CLOCK: variants seen among roughly 807,000 people sequenced by gnomAD.
The protein encoded by CLOCK is clock circadian regulator, also known as circadian locomoter output cycles protein kaput.
Under a neutral mutation model 118.4 loss-of-function variants are expected in CLOCK, and 43 were observed. The observed-to-expected ratio is 0.36, with a 90% CI of 0.28 to 0.47. The LOEUF (loss-of-function observed/expected upper bound fraction) is 0.47. Among genes scored for constraint, CLOCK ranks in the 20% least tolerant of loss-of-function variants. The probability of loss-of-function intolerance (pLI) is 1.00; values close to 1 mark genes in which losing one functional copy is unlikely to be tolerated. For missense variants in CLOCK, 846 were observed against 999.9 expected (o/e 0.85, Z 2.08); for synonymous variants, 326 against 339.2 (o/e 0.96, Z 0.43).
chr4:55,450,314 A>G, intron 15 of CLOCK, 82 bp from the exon 16 acceptor site: 1 of 1,564,886 alleles, frequency 6.4e-7, no homozygotes. Flanking sequence ...ACAACAACAA[A>G]AAAATCAGTT....
intron 2 of CLOCK, among the ~76,000 whole-genome samples, chr4:55,500,554 T>G (rs1218738852): frequency 2.6e-5 from 4 of 152,108 alleles, no homozygotes; most frequent in Admixed American, 2.6e-4. Context: ...TCTCATTATG[T>G]TGCCCAGGCT....
intron 15 of CLOCK, among the ~76,000 whole-genome samples, chr4:55,451,438 T>C (rs1005327905): frequency 2.0e-5 from 3 of 152,158 alleles, no homozygotes; most frequent in Admixed American, 6.5e-5. Context: ...CCTCTTAATA[T>C]TGGAGTGCTC....
At position 55,435,296 on chromosome 4, in the gene CLOCK, C is replaced by A; in HGVS notation, c.*119G>T. The A allele has an allele frequency of 2.5e-6, 3 of 1,178,930 alleles. No individual in the cohort carries two copies. Among genetic ancestry groups the A allele is most frequent in the South Asian group, 2.6e-5 (2 of 77,414 alleles). 73.0% of individuals were successfully genotyped at this position (1,178,930 alleles called of 1,614,324 possible). A position where few individuals can be genotyped will look rare whatever the true frequency, so the allele number is the denominator to read the frequency against. ...TGCCAACTAATTCCAGGAACTAGAA[C>A]ACTCAATACTGCATCTCATGAAACT... On this transcript the variant is annotated 3_prime_UTR_variant, in exon 23 of 23. Transcript: ENST00000513440.
At chr4:55,454,298 G>A (rs192089683) in intron 13 of CLOCK, among the ~76,000 whole-genome samples, 7 of 152,150 alleles carry the variant, frequency 4.6e-5, no homozygotes, top group South Asian at 4.1e-4. Context: ...GTTCTGAAGC[G>A]TTTTAACAGA....
At chr4:55,435,765 C>T (rs1054425686) in intron 22 of CLOCK, among the ~76,000 whole-genome samples, 171 bp from the exon 23 acceptor site, 3 of 152,140 alleles carry the variant, frequency 2.0e-5, no homozygotes, top group Non-Finnish European at 4.4e-5. Flanking sequence ...GCTTATGAGG[C>T]CTTCCCTCTT....
intron 1 of CLOCK, among the ~76,000 whole-genome samples, chr4:55,543,455 C>A (rs181855680): frequency 1.3e-5 from 2 of 152,166 alleles, no homozygotes; most frequent in Admixed American, 6.5e-5. Context: ...TTTGCAAATG[C>A]ACAGAAAAAG....
intron 16 of CLOCK, 24 bp from the exon 17 acceptor site, chr4:55,449,520 G>A (rs1387155116): frequency 6.5e-7 from 1 of 1,531,424 alleles, no homozygotes; most frequent in Non-Finnish European, 9.0e-7. Context: ...AATCAGAAGA[G>A]CATTAGTACT....
At chr4:55,460,905 T>C (rs894908588) in intron 9 of CLOCK, among the ~76,000 whole-genome samples, 1 of 151,274 alleles carries the variant, frequency 6.6e-6, no homozygotes, top group African/African-American at 2.4e-5. Context: ...TTTACACACT[T>C]AACAGTCATA....
chr4:55,526,489 G>C (rs1021624133), intron 1 of CLOCK, among the ~76,000 whole-genome samples: 2 of 152,092 alleles, frequency 1.3e-5, no homozygotes, highest in African/African-American at 4.8e-5. Flanking sequence ...AGTCAAACTA[G>C]AATCTATGAA....
At chr4:55,438,970 A>G (rs1723123783) in intron 21 of CLOCK, among the ~76,000 whole-genome samples, 1 of 152,242 alleles carries the variant, frequency 6.6e-6, no homozygotes, top group Admixed American at 6.5e-5. Context: ...ATATGATACC[A>G]AAAGTACAGG....
chr4:55,459,629 C>G (rs1725179180), intron 9 of CLOCK, among the ~76,000 whole-genome samples: 1 of 151,716 alleles, frequency 6.6e-6, no homozygotes, highest in Admixed American at 6.6e-5. Flanking sequence ...CATCACTGTT[C>G]CTTATTCCTT....
At chr4:55,464,212 GGT>G (rs1725572079) in intron 8 of CLOCK, among the ~76,000 whole-genome samples, 1 of 152,098 alleles carries the variant, frequency 6.6e-6, no homozygotes, top group African/African-American at 2.4e-5. Context: ...ATTTTGTTTT[GGT>G]GTGATTTCAA....
chr4:55,515,554 T>C (rs1382447906), intron 1 of CLOCK, among the ~76,000 whole-genome samples: 1 of 152,136 alleles, frequency 6.6e-6, no homozygotes, highest in Non-Finnish European at 1.5e-5. Context: ...TTTTGAATTT[T>C]TTGTATTTTT....
rs1722704082 is a variant in CLOCK, at chr4:55,434,088, G to C, written c.*1327C>G. Reference sequence around the variant, plus strand: ...AGCAGTCTTCAGAGGAACTTATTAGGAGACTAATAATGACACTGACACCCA... The same window carrying C: ...AGCAGTCTTCAGAGGAACTTATTAGCAGACTAATAATGACACTGACACCCA... On this transcript the variant is annotated 3_prime_UTR_variant, in exon 23 of 23. Transcript: ENST00000513440. 6.6e-6 allele frequency: 1 copy of C among 152,528 alleles called. No individual in the cohort carries two copies. The highest frequency in any genetic ancestry group is 1.5e-5 in the Non-Finnish European group (1 of 68,016). The allele number at this position is 152,528 out of a possible 1,614,324, so 9.4% of individuals were successfully genotyped here.
chr4:55,510,675 T>A (rs1729089474), intron 1 of CLOCK, among the ~76,000 whole-genome samples: 2 of 146,574 alleles, frequency 1.4e-5, no homozygotes, highest in Admixed American at 6.8e-5. Flanking sequence ...AGGAAGAGAA[T>A]TTAATGCAAG....
intron 7 of CLOCK, among the ~76,000 whole-genome samples, chr4:55,472,479 T>C (rs984219991): frequency 6.6e-6 from 1 of 152,142 alleles, no homozygotes; most frequent in African/African-American, 2.4e-5. Flanking sequence ...GCACAAAAGA[T>C]ACTATAAAAG....
Position 55,478,980 on chromosome 4 carries a change from T to C in CLOCK, c.108-17A>G, listed in dbSNP as rs371538034. The stretch of plus-strand genomic sequence containing the variant: ...CTAGATACTCTGATGAAATGAAAAA[T>C]ATGCATTTTTTAAACAATCCATTTA... On this transcript the variant is annotated splice_polypyrimidine_tract_variant and intron_variant, in intron 5 of 22. Coordinates refer to ENST00000513440, the MANE Select transcript of CLOCK (RefSeq NM_004898.4). 3.2e-6 allele frequency: 5 copies of C among 1,563,644 alleles called. No individual in the cohort carries two copies. The highest frequency in any genetic ancestry group is 4.4e-6 in the Non-Finnish European group (5 of 1,147,354).
chr4:55,514,874 T>A (rs577452750), intron 1 of CLOCK, among the ~76,000 whole-genome samples: 1 of 152,166 alleles, frequency 6.6e-6, no homozygotes, highest in African/African-American at 2.4e-5. Flanking sequence ...GGTTTTAGGA[T>A]TAGAGTAATA....
In CLOCK at chr4:55,430,389, TAGG is replaced by T. The variant is rs1455486293; in HGVS notation, c.*5023_*5025del. On this transcript the variant is annotated 3_prime_UTR_variant, in exon 23 of 23. Coordinates refer to ENST00000513440, the MANE Select transcript of CLOCK (RefSeq NM_004898.4). ...AAACAAGGAATGTAGTGTTATGACATAGGGGGAAAAAACTATGCAAAACAGTCA... is the reference window on the plus strand; with the variant it reads ...AAACAAGGAATGTAGTGTTATGACATGGGAAAAAACTATGCAAAACAGTCA... 1 of 152,136 alleles carries T rather than the reference TAGG, an allele frequency of 6.6e-6. No homozygotes were observed. The highest frequency in any genetic ancestry group is 1.5e-5 in the Non-Finnish European group (1 of 68,022). The allele number at this position is 152,136 out of a possible 1,614,324, so 9.4% of individuals were successfully genotyped here. A position where few individuals can be genotyped will look rare whatever the true frequency, so the allele number is the denominator to read the frequency against.
Sources: allele counts gnomAD v4.1 joint callset (sites outside exome capture counted in the v4.1 genomes callset), GRCh38; gene constraint gnomAD v4.1.1; transcripts MANE v1.5; gene names NCBI Gene and HGNC (gene_info 2026-07-23, HGNC 2026-07-21).